The following MYO5B variants were observed in gnomAD, a reference collection of about 807,000 sequenced individuals.
MYO5B encodes the protein myosin VB, also known as unconventional myosin-Vb.
Under a neutral mutation model 229.3 loss-of-function variants are expected in MYO5B, and 143 were observed. That is an observed-to-expected ratio of 0.62 (90% CI 0.54 to 0.72). MYO5B has a LOEUF of 0.72. Among genes scored for constraint, MYO5B ranks in the 30% least tolerant of loss-of-function variants. The probability of loss-of-function intolerance (pLI) is 0.00; values close to 1 mark genes in which losing one functional copy is unlikely to be tolerated. For missense variants in MYO5B, 2,321 were observed against 2,331.0 expected (o/e 1.00, Z 0.09); for synonymous variants, 918 against 885.2 (o/e 1.04, Z -0.66).
At chr18:50,024,023 T>C (rs974742564) in intron 4 of MYO5B, among the ~76,000 whole-genome samples, 2 of 152,112 alleles carry the variant, frequency 1.3e-5, no homozygotes, top group Non-Finnish European at 2.9e-5. Flanking sequence ...ATGGACAAAA[T>C]TGTAGAAGTG....
At chr18:49,993,536 T>C (rs2025954976) in intron 5 of MYO5B, among the ~76,000 whole-genome samples, 2 of 152,014 alleles carry the variant, frequency 1.3e-5, no homozygotes, top group African/African-American at 2.4e-5. Flanking sequence ...AGGCGCTGAG[T>C]TATACAACCA....
intron 27 of MYO5B, among the ~76,000 whole-genome samples, chr18:49,867,848 C>T (rs1176986682): frequency 6.6e-6 from 1 of 152,080 alleles, no homozygotes; most frequent in African/African-American, 2.4e-5. Context: ...CAAATCTAGC[C>T]ACAGTAAACA....
At chr18:49,916,129 A>C (rs1216139512) in intron 17 of MYO5B, among the ~76,000 whole-genome samples, 1 of 152,220 alleles carries the variant, frequency 6.6e-6, no homozygotes, top group Non-Finnish European at 1.5e-5. Context: ...ATTTGCATAC[A>C]CACTTGCTTT....
At chr18:50,081,607 T>C (rs2031223277) in intron 1 of MYO5B, among the ~76,000 whole-genome samples, 1 of 152,220 alleles carries the variant, frequency 6.6e-6, no homozygotes, top group South Asian at 2.1e-4. Flanking sequence ...TTCAGTGTTT[T>C]GTGTTTGGTT....
At chr18:50,145,639 C>G (rs1354221430) in intron 1 of MYO5B, among the ~76,000 whole-genome samples, 1 of 151,372 alleles carries the variant, frequency 6.6e-6, no homozygotes, top group Non-Finnish European at 1.5e-5. Flanking sequence ...GTATATTTTT[C>G]CATTAGTTTT....
At position 49,877,760 on chromosome 18, in the gene MYO5B, C is replaced by G. The variant is rs1460831636; in HGVS notation, c.3396+3G>C. On this transcript the variant is annotated splice_donor_region_variant and intron_variant, in intron 25 of 39. Transcript: ENST00000285039. Reference sequence around the variant, plus strand: ...ACAGTACCCAAGAGCCTGCATCACTCACCTCCACCTGCTGGAGGGCATCCT... The same window carrying G: ...ACAGTACCCAAGAGCCTGCATCACTGACCTCCACCTGCTGGAGGGCATCCT... The G allele has an allele frequency of 6.2e-7, 1 of 1,614,000 alleles. No individual in the cohort carries two copies. The highest frequency in any genetic ancestry group is 1.1e-5 in the South Asian group (1 of 91,072).
At chr18:49,931,002 A>G (rs1487956064) in intron 16 of MYO5B, among the ~76,000 whole-genome samples, 1 of 152,154 alleles carries the variant, frequency 6.6e-6, no homozygotes, top group Non-Finnish European at 1.5e-5. Context: ...ACCTAGAATT[A>G]ATCACTATTT....
chr18:50,013,062 T>A (rs2026179798), intron 4 of MYO5B, among the ~76,000 whole-genome samples: 1 of 152,236 alleles, frequency 6.6e-6, no homozygotes, highest in Non-Finnish European at 1.5e-5. Flanking sequence ...TTTAGTACAA[T>A]GTCCCAAAGT....
chr18:50,114,250 GC>G lies in MYO5B; in HGVS notation c.28-58873del, dbSNP rs140096290. On this transcript the variant is annotated intron_variant, in intron 1 of 39. Transcript: ENST00000285039. ...AGGTAGAACTTTGTTTCTTTAAACT[GC>G]CGTGCTGTTATAATACTGAGTTTAT... 6.7e-4 allele frequency among the ~76,000 whole-genome samples: 102 copies of G among 152,310 alleles called. No individual in the cohort carries two copies. The East Asian group carries it at 0.019, about 29-fold the overall frequency.
chr18:49,854,700 G>A (rs940419963), intron 30 of MYO5B, among the ~76,000 whole-genome samples: 1 of 152,202 alleles, frequency 6.6e-6, no homozygotes, highest in Non-Finnish European at 1.5e-5. Context: ...GTAGGAACTG[G>A]TTGTGCCTCT....
intron 39 of MYO5B, among the ~76,000 whole-genome samples, chr18:49,827,049 G>A (rs1028399732): frequency 2.0e-5 from 3 of 152,154 alleles, no homozygotes; most frequent in Admixed American, 6.5e-5. Context: ...TGTAGAATGG[G>A]AGAAGAGTAC....
At chr18:49,959,520 T>C (rs1406234905) in intron 12 of MYO5B, among the ~76,000 whole-genome samples, 1 of 152,158 alleles carries the variant, frequency 6.6e-6, no homozygotes, top group Non-Finnish European at 1.5e-5. Flanking sequence ...CGGGGGACAC[T>C]GGCCTCCCCA....
At chr18:50,147,609 A>G (rs1219989879) in intron 1 of MYO5B, among the ~76,000 whole-genome samples, 1 of 152,204 alleles carries the variant, frequency 6.6e-6, no homozygotes, top group Non-Finnish European at 1.5e-5. Context: ...GATGAAATCA[A>G]ATTTAAGATC....
intron 1 of MYO5B, among the ~76,000 whole-genome samples, chr18:50,107,060 C>G (rs902546609): frequency 6.8e-6 from 1 of 146,162 alleles, no homozygotes; most frequent in Non-Finnish European, 1.5e-5. Context: ...ATGGGCTAGA[C>G]AGAGCTTGGA....
At chr18:50,173,152 C>T (rs1019722668) in intron 1 of MYO5B, among the ~76,000 whole-genome samples, 2 of 152,046 alleles carry the variant, frequency 1.3e-5, no homozygotes, top group Admixed American at 1.3e-4. Context: ...GTAATCCCAG[C>T]TACTTGGGAG....
At chr18:49,912,477 C>T (rs557820892) in intron 17 of MYO5B, among the ~76,000 whole-genome samples, 1 of 152,300 alleles carries the variant, frequency 6.6e-6, no homozygotes, top group African/African-American at 2.4e-5. Flanking sequence ...CCACCCAAAT[C>T]TCATCGTGAA....
At chr18:50,073,348 G>T (rs1413692129) in intron 1 of MYO5B, among the ~76,000 whole-genome samples, 1 of 152,188 alleles carries the variant, frequency 6.6e-6, no homozygotes, top group African/African-American at 2.4e-5. Context: ...AGGAAGCTAA[G>T]CAAATGAACT....
intron 19 of MYO5B, 55 bp downstream of exon 19, chr18:49,906,364 A>T: frequency 3.9e-6 from 6 of 1,546,842 alleles, no homozygotes; most frequent in Non-Finnish European, 5.3e-6. Context: ...AGAAAGGCAG[A>T]CCCCCATCTT....
At chr18:50,063,467 CTCTTAAA>C (rs2030739866) in intron 1 of MYO5B, among the ~76,000 whole-genome samples, 1 of 152,150 alleles carries the variant, frequency 6.6e-6, no homozygotes, top group Admixed American at 6.5e-5. Flanking sequence ...CTGCTGTTTT[CTCTTAAA>C]TGACAGAGAA....
Sources: allele counts gnomAD v4.1 joint callset (sites outside exome capture counted in the v4.1 genomes callset), GRCh38; gene constraint gnomAD v4.1.1; transcripts MANE v1.5; gene names NCBI Gene and HGNC (gene_info 2026-07-23, HGNC 2026-07-21).